Variants in REPS2 observed in about 807,000 individuals in gnomAD.
REPS2 encodes ralBP1-associated Eps domain-containing protein 2.
In REPS2, 23 loss-of-function variants were observed where a neutral mutation model predicts 53.6. That is an observed-to-expected ratio of 0.43 (90% CI 0.31 to 0.61). REPS2 has a LOEUF of 0.61. REPS2 is among the 20% of genes least tolerant of loss of function. The pLI, the probability that REPS2 is intolerant of heterozygous loss-of-function variation, is 0.11. For missense variants in REPS2, 446 were observed against 534.9 expected, an observed-to-expected ratio of 0.83 and a Z score of 1.64; for synonymous variants, 238 against 218.6, an observed-to-expected ratio of 1.09 and a Z score of -0.78.
In REPS2 at chrX:17,138,839, T is replaced by C. The variant is rs1164716321; in HGVS notation, c.1809-17T>C. The C allele has an allele frequency of 8.9e-6, 10 of 1,129,060 alleles. No individual in the cohort carries two copies. Among genetic ancestry groups the C allele is most frequent in the Non-Finnish European group, 1.1e-5 (9 of 835,680 alleles). The allele number at this position is 1,129,060 out of a possible 1,213,427, so 93.0% of individuals were successfully genotyped here. A position where few individuals can be genotyped will look rare whatever the true frequency, so the allele number is the denominator to read the frequency against. ...CTCTAAGTCCTTTTTCACTGAAGTG[T>C]TTGTGCTTTTCTATAGGCAGTCTTC... On this transcript the variant is annotated splice_polypyrimidine_tract_variant and intron_variant, in intron 16 of 17. Coordinates refer to ENST00000357277, the MANE Select transcript of REPS2 (RefSeq NM_004726.3).
chrX:16,989,387 G>C (rs2061134253), intron 1 of REPS2, among the ~76,000 whole-genome samples: 1 of 111,441 alleles, frequency 9.0e-6, no homozygotes, highest in Admixed American at 9.5e-5. Flanking sequence ...AGGCTAGGCA[G>C]AGTTCTTAGA....
At chrX:17,095,454 G>A (rs1230529242) in intron 13 of REPS2, among the ~76,000 whole-genome samples, 1 of 110,525 alleles carries the variant, frequency 9.0e-6, no homozygotes, top group African/African-American at 3.3e-5. Flanking sequence ...GCATTTTGCT[G>A]GAGTGAGAAA....
At chrX:17,109,139 T>C (rs1419399888) in intron 14 of REPS2, among the ~76,000 whole-genome samples, 1 of 110,340 alleles carries the variant, frequency 9.1e-6, no homozygotes, top group Non-Finnish European at 1.9e-5. Flanking sequence ...CCAGTTCTGG[T>C]AGGGATGTGG....
At chrX:17,002,045 G>A (rs773863153) in intron 1 of REPS2, among the ~76,000 whole-genome samples, 7 of 111,929 alleles carry the variant, frequency 6.3e-5, no homozygotes, top group Non-Finnish European at 1.1e-4. Flanking sequence ...CATGTTGTAT[G>A]ATAATATTGT....
chrX:17,022,317 C>A, intron 3 of REPS2, 46 bp downstream of exon 3: 4 of 1,121,251 alleles, frequency 3.6e-6, no homozygotes, highest in Middle Eastern at 2.5e-4. Flanking sequence ...GACCATGAAA[C>A]CGCATGTAGC....
chrX:17,163,913 T>C, the REPS2 span, among the ~76,000 whole-genome samples: 2 of 112,197 alleles, frequency 1.8e-5, no homozygotes, highest in Admixed American at 9.5e-5. Context: ...AAAAACAGTA[T>C]AAATATACTT....
chrX:17,092,188 A>G (rs1418167310), intron 13 of REPS2, among the ~76,000 whole-genome samples: 1 of 112,094 alleles, frequency 8.9e-6, no homozygotes, highest in Admixed American at 9.5e-5. Flanking sequence ...AAGTTGGAAT[A>G]TATTTTCATT....
intron 6 of REPS2, among the ~76,000 whole-genome samples, chrX:17,050,752 T>A (rs1021797872): frequency 1.8e-5 from 2 of 111,842 alleles, no homozygotes; most frequent in African/African-American, 6.5e-5. Flanking sequence ...TATATATTTA[T>A]GGGGTATGTG....
intron 5 of REPS2, among the ~76,000 whole-genome samples, chrX:17,045,074 C>A (rs1027191561): frequency 9.1e-6 from 1 of 110,054 alleles, no homozygotes; most frequent in Non-Finnish European, 1.9e-5. Context: ...GGATTACAGG[C>A]GCCTGCCACC....
intron 16 of REPS2, chrX:17,136,125 A>G (rs1035160157): frequency 8.9e-6 from 1 of 112,223 alleles, no homozygotes; most frequent in African/African-American, 3.2e-5. Context: ...CTTGACTGCA[A>G]GTGAGCCTGA....
the REPS2 span, among the ~76,000 whole-genome samples, chrX:17,169,552 C>A: frequency 9.0e-6 from 1 of 111,398 alleles, no homozygotes; most frequent in Non-Finnish European, 1.9e-5. Context: ...TGTGGTGGTG[C>A]ATGCCTGTAG....
intron 1 of REPS2, among the ~76,000 whole-genome samples, chrX:16,977,750 A>G (rs748705588): frequency 9.3e-6 from 1 of 107,469 alleles, no homozygotes; most frequent in South Asian, 4.1e-4. Flanking sequence ...AAAAGATGTG[A>G]TGATTGCCTC....
chrX:17,132,826 C>T (rs1479184615), intron 14 of REPS2, among the ~76,000 whole-genome samples: 1 of 112,437 alleles, frequency 8.9e-6, no homozygotes, highest in East Asian at 2.8e-4. Context: ...GCATGAGCCA[C>T]GGTGCCTGGC....
Position 17,054,875 on chromosome X carries a change from A to G in REPS2, c.1039A>G (p.Ile347Val). ...TGAGTTCTGTGCTGCGTTTCATCTC[A>G]TTGTGGCTCGGAAGAACGGCTACCC... ...LPEFCAAFHL[I>V]VARKNGYPLP... Residue 347 changes from isoleucine (I) to valine (V), a missense_variant, in exon 8 of 18, where the codon ATT becomes GTT. Transcript: ENST00000357277. 1 of 1,210,832 alleles carries G rather than the reference A, an allele frequency of 8.3e-7. No individual in the cohort carries two copies. The highest frequency in any genetic ancestry group is 1.1e-6 in the Non-Finnish European group (1 of 894,740).
intron 1 of REPS2, among the ~76,000 whole-genome samples, chrX:16,980,825 A>G (rs2061012021): frequency 1.8e-5 from 2 of 112,408 alleles, no homozygotes; most frequent in African/African-American, 6.5e-5. Flanking sequence ...ACCCTGTTCC[A>G]AATGGAATGA....
At chrX:17,007,945 C>G in intron 2 of REPS2, among the ~76,000 whole-genome samples, 1 of 112,365 alleles carries the variant, frequency 8.9e-6, no homozygotes, top group Non-Finnish European at 1.9e-5. Flanking sequence ...CTTCCAGTCC[C>G]CATGCTCTTA....
chrX:17,170,334 TA>T, the REPS2 span, among the ~76,000 whole-genome samples: 1 of 112,586 alleles, frequency 8.9e-6, no homozygotes, highest in African/African-American at 3.2e-5. Context: ...CCTTTCAAGT[TA>T]GACATTTCCT....
At chrX:17,102,028 T>TTTATGTTATG (rs778594430) in intron 13 of REPS2, among the ~76,000 whole-genome samples, 46 of 95,294 alleles carry the variant, frequency 4.8e-4, no homozygotes, top group South Asian at 2.1e-3. Context: ...TTTATTTTAT[T>TTTATGTTATG]TTATGTTATG....
intron 1 of REPS2, among the ~76,000 whole-genome samples, chrX:16,972,964 T>C (rs1008796002): frequency 2.7e-5 from 3 of 111,675 alleles, no homozygotes; most frequent in Non-Finnish European, 5.7e-5. Flanking sequence ...GGTGGTCTAT[T>C]TCTGTTCTAG....
Sources: allele counts gnomAD v4.1 joint callset (sites outside exome capture counted in the v4.1 genomes callset), GRCh38; gene constraint gnomAD v4.1.1; transcripts MANE v1.5; gene names NCBI Gene and HGNC (gene_info 2026-07-23, HGNC 2026-07-21).